Variants in NAT1 observed in about 807,000 individuals in gnomAD.
The protein encoded by NAT1 is arylamine N-acetyltransferase 1.
For synonymous variants in NAT1, 144 were observed against 122.6 expected, an observed-to-expected ratio of 1.17 and a Z score of -1.16; for missense variants, 400 against 339.2, an observed-to-expected ratio of 1.18 and a Z score of -1.41.
chr8:18,206,274 T>C (rs1194650870), upstream of NAT1, among the ~76,000 whole-genome samples: 2 of 152,142 alleles, frequency 1.3e-5, no homozygotes, highest in Non-Finnish European at 2.9e-5. Flanking sequence ...GTTCCCAGGT[T>C]TCCCCCTCTC....
At chr8:18,186,673 T>G (rs2117240233) in intron 2 of NAT1, among the ~76,000 whole-genome samples, 1 of 152,326 alleles carries the variant, frequency 6.6e-6, no homozygotes, top group East Asian at 1.9e-4. Flanking sequence ...TTATTATTCC[T>G]TTTCTTTTCT....
At chr8:18,174,869 T>C (rs568992469) in intron 2 of NAT1, among the ~76,000 whole-genome samples, 13 of 152,228 alleles carry the variant, frequency 8.5e-5, no homozygotes, top group Non-Finnish European at 1.3e-4. Flanking sequence ...CATGCTTATA[T>C]AGCACTAAGA....
chr8:18,190,328 G>A (rs1428844582), intron 2 of NAT1, among the ~76,000 whole-genome samples: 1 of 152,172 alleles, frequency 6.6e-6, no homozygotes, highest in Non-Finnish European at 1.5e-5. Context: ...CTCATGCAGA[G>A]CATAATTTCA....
rs183517336 is a variant in NAT1 at position 18,188,152 on chromosome 8, G to A, written n.92+17413G>A. Among the ~76,000 whole-genome samples the A allele has an allele frequency of 3.8e-3, 576 of 152,188 alleles. 1 individual carries two copies. Among genetic ancestry groups the A allele is most frequent in the Admixed American group, 8.1e-3 (124 of 15,290 alleles). On this transcript the variant is annotated intron_variant and non_coding_transcript_variant, in intron 2 of 4. Transcript: ENST00000517441. ...AAACAGAACACTAGAAATAAAGGAC[G>A]CTAAATAGCATAATAGAAAGTCTGT... is the stretch of plus-strand genomic sequence containing the variant.
At chr8:18,214,281 T>C (rs1234365339) in intron 1 of NAT1, among the ~76,000 whole-genome samples, 1 of 152,242 alleles carries the variant, frequency 6.6e-6, no homozygotes, top group African/African-American at 2.4e-5. Flanking sequence ...ACTTGTTCAC[T>C]GGCCATGAAA....
At chr8:18,219,605 G>C in intron 2 of NAT1, 116 bp downstream of exon 2, 1 of 581,750 alleles carries the variant, frequency 1.7e-6, no homozygotes, top group Non-Finnish European at 3.0e-6. Flanking sequence ...ACTGCACAGA[G>C]ATTCTACAAG....
chr8:18,217,012 A>G, intron 1 of NAT1: 1 of 1,514,372 alleles, frequency 6.6e-7, no homozygotes, highest in South Asian at 1.2e-5. Context: ...CCCTGGATGC[A>G]GTACCTCCAG....
chr8:18,178,470 G>A (rs562738642), intron 2 of NAT1, among the ~76,000 whole-genome samples: 2 of 152,214 alleles, frequency 1.3e-5, no homozygotes, highest in African/African-American at 4.8e-5. Context: ...TTCACTCACA[G>A]AACCTGGATT....
chr8:18,209,620 A>C (rs1803892178), upstream of NAT1, among the ~76,000 whole-genome samples: 1 of 152,240 alleles, frequency 6.6e-6, no homozygotes, highest in African/African-American at 2.4e-5. Flanking sequence ...TTTCAGACAC[A>C]TTGCCCAGTG....
chr8:18,213,877 T>A (rs539749218), intron 1 of NAT1, among the ~76,000 whole-genome samples: 2 of 151,418 alleles, frequency 1.3e-5, no homozygotes, highest in African/African-American at 2.4e-5. Flanking sequence ...GCGGTGGCAC[T>A]ATCTCGGCTC....
chr8:18,212,006 C>G (rs1456449333), intron 1 of NAT1, among the ~76,000 whole-genome samples: 3 of 152,152 alleles, frequency 2.0e-5, no homozygotes, highest in African/African-American at 7.2e-5. Context: ...GGCAGACTAC[C>G]TCTGGGTTAA....
intron 2 of NAT1, among the ~76,000 whole-genome samples, chr8:18,203,894 G>A (rs998478325): frequency 5.9e-5 from 9 of 152,112 alleles, no homozygotes; most frequent in African/African-American, 1.2e-4. Context: ...CAGGAAATAT[G>A]GGCTAGACAC....
intron 1 of NAT1, among the ~76,000 whole-genome samples, chr8:18,213,632 G>T (rs1804330627): frequency 6.6e-6 from 1 of 152,096 alleles, no homozygotes; most frequent in Admixed American, 6.6e-5. Flanking sequence ...TTCCTCAGCA[G>T]AGCATTGAGC....
chr8:18,170,483 G>A (rs964210385), exon 1 of NAT1: 1 of 152,124 alleles, frequency 6.6e-6, no homozygotes, highest in African/African-American at 2.4e-5. Flanking sequence ...CTCAAATAAA[G>A]CCTAGGCCAA....
chr8:18,175,461 T>C (rs548505872), intron 2 of NAT1, among the ~76,000 whole-genome samples: 1 of 152,228 alleles, frequency 6.6e-6, no homozygotes. Flanking sequence ...AGTAAGATTA[T>C]ACAGTATTTG....
chr8:18,184,438 A>G (rs920678072), intron 2 of NAT1, among the ~76,000 whole-genome samples: 2 of 151,964 alleles, frequency 1.3e-5, no homozygotes. Context: ...AGCCTTGAAG[A>G]CCTCCAAAAT....
intron 1 of NAT1, among the ~76,000 whole-genome samples, chr8:18,213,584 G>A (rs1804325132): frequency 1.3e-5 from 2 of 152,016 alleles, no homozygotes; most frequent in Non-Finnish European, 2.9e-5. Flanking sequence ...TCTCACTCCT[G>A]CAAACATTTT....
At chr8:18,187,523 A>G (rs1001772400) in intron 2 of NAT1, among the ~76,000 whole-genome samples, 11 of 152,212 alleles carry the variant, frequency 7.2e-5, no homozygotes. Context: ...CTACGCAGCC[A>G]TAAAAAAGAA....
intron 2 of NAT1, among the ~76,000 whole-genome samples, chr8:18,184,682 G>C (rs1802660614): frequency 6.6e-6 from 1 of 152,092 alleles, no homozygotes; most frequent in East Asian, 1.9e-4. Context: ...AACAGTAGTG[G>C]GAGGCAGGGC....
Sources: allele counts gnomAD v4.1 joint callset (sites outside exome capture counted in the v4.1 genomes callset), GRCh38; gene constraint gnomAD v4.1.1; transcripts MANE v1.5; gene names NCBI Gene and HGNC (gene_info 2026-07-23, HGNC 2026-07-21).